Variants in NGLY1 observed in about 807,000 individuals in gnomAD.
The protein encoded by NGLY1 is peptide-N(4)-(N-acetyl-beta-glucosaminyl)asparagine amidase.
Under a neutral mutation model 84.6 loss-of-function variants are expected in NGLY1, and 68 were observed. That is an observed-to-expected ratio of 0.80 (90% CI 0.66 to 0.98). NGLY1 has a LOEUF of 0.98. Among genes scored for constraint, NGLY1 ranks in the 50% least tolerant of loss-of-function variants. NGLY1 has a pLI of 0.00. For synonymous variants in NGLY1, 280 were observed against 275.2 expected (o/e 1.02, Z -0.17); for missense variants, 779 against 770.2 (o/e 1.01, Z -0.14).
At chr3:25,757,557 C>T (rs559733335) in intron 3 of NGLY1, among the ~76,000 whole-genome samples, 1 of 152,164 alleles carries the variant, frequency 6.6e-6, no homozygotes, top group East Asian at 1.9e-4. Flanking sequence ...AAAAGACTAC[C>T]GAATGGTAAA....
At chr3:25,731,066 A>G (rs1280704462) in intron 9 of NGLY1, among the ~76,000 whole-genome samples, 2 of 151,986 alleles carry the variant, frequency 1.3e-5, no homozygotes, top group African/African-American at 4.8e-5. Context: ...ATTGTTATTT[A>G]ATTTTGGAAG....
chr3:25,778,136 A>G (rs1354436564), intron 2 of NGLY1: 1 of 152,416 alleles, frequency 6.6e-6, no homozygotes. Flanking sequence ...AAAAATACTG[A>G]GACTCCTCTC....
chr3:25,755,184 C>A, intron 3 of NGLY1: 1 of 1,295,820 alleles, frequency 7.7e-7, no homozygotes, highest in Non-Finnish European at 1.1e-6. Context: ...TCTCTTCCCC[C>A]AAGAGGTTTC....
At chr3:25,742,527 GA>G (rs1222474508) in intron 4 of NGLY1, among the ~76,000 whole-genome samples, 1 of 152,142 alleles carries the variant, frequency 6.6e-6, no homozygotes, top group African/African-American at 2.4e-5. Flanking sequence ...ACATGAAAAA[GA>G]ACAGAACTGA....
chr3:25,720,898 A>G (rs1263929124), intron 10 of NGLY1, among the ~76,000 whole-genome samples: 4 of 152,152 alleles, frequency 2.6e-5, no homozygotes, highest in Non-Finnish European at 5.9e-5. Flanking sequence ...TCAAACTCTT[A>G]AGACTCTGAC....
At chr3:25,746,472 C>T (rs1250145380) in intron 4 of NGLY1, among the ~76,000 whole-genome samples, 6 of 152,302 alleles carry the variant, frequency 3.9e-5, no homozygotes, top group Admixed American at 2.6e-4. Context: ...TCCCTATTTT[C>T]CAAATTTTCT....
At chr3:25,764,405 A>T (rs1474092606) in intron 2 of NGLY1, 94 bp from the exon 3 acceptor site, 2 of 1,272,400 alleles carry the variant, frequency 1.6e-6, no homozygotes, top group Admixed American at 4.6e-5. Flanking sequence ...TGAAACCAAT[A>T]ATATAGAATG....
At chr3:25,719,906 T>C (rs1431570326) in intron 11 of NGLY1, 108 bp downstream of exon 11, 3 of 936,754 alleles carry the variant, frequency 3.2e-6, no homozygotes, top group Admixed American at 2.9e-5. Context: ...ACTGAAATAG[T>C]ATTAATAACT....
chr3:25,776,003 A>G (rs1338837610), intron 2 of NGLY1, among the ~76,000 whole-genome samples: 1 of 152,216 alleles, frequency 6.6e-6, no homozygotes, highest in Non-Finnish European at 1.5e-5. Context: ...TTATTCTTTA[A>G]AAAGTCCACC....
At chr3:25,738,362 TCTTTTCA>T (rs1273775291) in intron 5 of NGLY1, among the ~76,000 whole-genome samples, 2 of 152,308 alleles carry the variant, frequency 1.3e-5, no homozygotes, top group East Asian at 3.9e-4. Context: ...TTTGTAACAT[TCTTTTCA>T]GAAGTTACTC....
chr3:25,784,144 T>G (rs1414331154), upstream of NGLY1: 1 of 152,218 alleles, frequency 6.6e-6, no homozygotes, highest in African/African-American at 2.4e-5. Flanking sequence ...AAACCATGGC[T>G]ATAAACTCTG....
At chr3:25,743,834 T>C (rs1440121683) in intron 4 of NGLY1, among the ~76,000 whole-genome samples, 2 of 152,292 alleles carry the variant, frequency 1.3e-5, no homozygotes, top group East Asian at 1.9e-4. Context: ...CAGCTGAAAG[T>C]AGGACTACTA....
chr3:25,783,060 G>A lies in NGLY1; in HGVS notation c.131+200C>T, dbSNP rs1313588943. ...AACTGCAAAGAAACTTCCTTTTCTC[G>A]AGCGGGGGTGGGACTTGGCCGGGTC... is the stretch of plus-strand genomic sequence containing the variant. On this transcript the variant is annotated intron_variant, in intron 1 of 11. Coordinates refer to ENST00000280700, the MANE Select transcript of NGLY1 (RefSeq NM_018297.4). The surrounding 1 kb of genome is among the most constrained non-coding windows in gnomAD (Gnocchi z 4.5). The A allele has an allele frequency of 7.5e-6, 4 of 530,494 alleles. No individual in the cohort carries two copies. The Admixed American group carries it at 1.2e-4, about 16-fold the overall frequency. 32.9% of individuals were successfully genotyped at this position (530,494 alleles called of 1,614,324 possible).
intron 1 of NGLY1, among the ~76,000 whole-genome samples, chr3:25,779,072 A>C (rs190818096): frequency 2.0e-5 from 3 of 150,972 alleles, no homozygotes; most frequent in Non-Finnish European, 4.4e-5. Flanking sequence ...AGTAGCTAGG[A>C]TTACAGGGGT....
At chr3:25,789,635 T>TA in intron 1 of NGLY1, 1 of 594,746 alleles carries the variant, frequency 1.7e-6, no homozygotes, top group Non-Finnish European at 3.0e-6. Context: ...TACCACAAGA[T>TA]ACACAACAAA....
chr3:25,724,619 A>G (rs531589051), intron 10 of NGLY1, among the ~76,000 whole-genome samples: 4 of 152,214 alleles, frequency 2.6e-5, no homozygotes, highest in Admixed American at 2.6e-4. Context: ...GGACCTGACA[A>G]TTATTTACCT....
In NGLY1 at chr3:25,789,735, A is replaced by G. The variant is rs1208087655; in HGVS notation, c.5+126T>C. The G allele has an allele frequency of 3.3e-6, 4 of 1,201,280 alleles. No individual in the cohort carries two copies. The African/African-American group carries it at 6.1e-5, about 18-fold the overall frequency. 74.4% of individuals were successfully genotyped at this position (1,201,280 alleles called of 1,614,324 possible). On this transcript the variant is annotated intron_variant, in intron 1 of 11. Coordinates refer to the NGLY1 transcript ENST00000417874. ...TATAGCAATAACTTTGAAACTGCAG[A>G]GAATTTCCTTAATTCTTTCTTACAA...
In NGLY1 at chr3:25,737,393, C is replaced by T. The variant is rs1487634332; in HGVS notation, c.944G>A (p.Cys315Tyr). The T allele has an allele frequency of 1.2e-6, 2 of 1,614,018 alleles. No individual in the cohort carries two copies. Among genetic ancestry groups the T allele is most frequent in the East Asian group, 4.5e-5 (2 of 44,862 alleles). ...TACAGCTCGGCAGCACAGTGTAAAA[C>T]AATTGGCCCACTCGCCACACCGTCC... ...RCGRCGEWAN[C>Y]FTLCCRAVGF... The change falls in exon 6 of 12, where the codon TGT (cysteine) becomes TAT (tyrosine). Residue 315 changes from cysteine to tyrosine, a missense_variant. Coordinates refer to ENST00000280700, the MANE Select transcript of NGLY1 (RefSeq NM_018297.4).
chr3:25,750,066 G>A (rs151265717), intron 4 of NGLY1, among the ~76,000 whole-genome samples: 448 of 152,166 alleles, frequency 2.9e-3, no homozygotes, highest in African/African-American at 0.01. Context: ...AGGTTTAATT[G>A]ACTCACAGTT....
Sources: allele counts gnomAD v4.1 joint callset (sites outside exome capture counted in the v4.1 genomes callset), GRCh38; gene constraint gnomAD v4.1.1; non-coding constraint Gnocchi (gnomAD v3.1); transcripts MANE v1.5; gene names NCBI Gene and HGNC (gene_info 2026-07-23, HGNC 2026-07-21).